Variants in KNTC1 observed in about 807,000 individuals in gnomAD.
KNTC1 encodes the protein kinetochore-associated protein 1.
In KNTC1, 253 loss-of-function variants were observed where a neutral mutation model predicts 314.4. The observed-to-expected ratio is 0.80, with a 90% CI of 0.73 to 0.89. The LOEUF (loss-of-function observed/expected upper bound fraction) is 0.89, where lower values mean the gene tolerates loss of function less well. KNTC1 is among the 40% of genes least tolerant of loss of function. KNTC1 has a pLI of 0.00. For synonymous variants in KNTC1, 901 were observed against 901.4 expected (o/e 1.00, Z 0.01); for missense variants, 2,475 against 2,572.9 (o/e 0.96, Z 0.82).
intron 59 of KNTC1, among the ~76,000 whole-genome samples, chr12:122,619,219 G>C (rs1231254362): frequency 1.4e-5 from 2 of 142,888 alleles, no homozygotes; most frequent in Admixed American, 7.1e-5. Context: ...CACCATGCCA[G>C]GCTAATTTTT....
intron 6 of KNTC1, among the ~76,000 whole-genome samples, chr12:122,542,770 A>G (rs568888045): frequency 6.6e-6 from 1 of 152,304 alleles, no homozygotes; most frequent in South Asian, 2.1e-4. Flanking sequence ...GTCTCAAAAA[A>G]AAAAATATAT....
At chr12:122,533,040 T>A (rs1036758654) in intron 2 of KNTC1, among the ~76,000 whole-genome samples, 7 of 151,922 alleles carry the variant, frequency 4.6e-5, no homozygotes, top group South Asian at 2.1e-4. Context: ...GGAGACAACA[T>A]CTCTAAAAAA....
chr12:122,623,649 T>C (rs1020179950), intron 62 of KNTC1, among the ~76,000 whole-genome samples: 6 of 152,328 alleles, frequency 3.9e-5, no homozygotes, highest in Admixed American at 2.0e-4. Flanking sequence ...CATAATTCTC[T>C]GAAAGTTTCC....
At chr12:122,541,625 G>A (rs1192883489) in intron 5 of KNTC1, among the ~76,000 whole-genome samples, 1 of 149,880 alleles carries the variant, frequency 6.7e-6, no homozygotes, top group Non-Finnish European at 1.5e-5. Flanking sequence ...CATTACAGGC[G>A]TGAGCCACTG....
intron 21 of KNTC1, among the ~76,000 whole-genome samples, chr12:122,568,603 G>A (rs942356626): frequency 1.3e-5 from 2 of 152,196 alleles, no homozygotes; most frequent in African/African-American, 4.8e-5. Context: ...TTGGGAGGCC[G>A]AGGCGGGCTG....
At position 122,585,594 on chromosome 12, in the gene KNTC1, A is replaced by T. The variant is rs765220621; in HGVS notation, c.3535-42A>T. 3 of 1,605,938 alleles carry T rather than the reference A, an allele frequency of 1.9e-6. No individual in the cohort carries two copies. The African/African-American group carries it at 4.0e-5, about 22-fold the overall frequency. ...GACCAGAAGAAACAATGTGTTGTGC[A>T]GCGTACTGAGTTCTCTCTTTTTTGT... On this transcript the variant is annotated intron_variant, in intron 36 of 63. Transcript: ENST00000333479.
chr12:122,566,127 G>C (rs1385873805), intron 20 of KNTC1, among the ~76,000 whole-genome samples: 3 of 151,848 alleles, frequency 2.0e-5, no homozygotes, highest in African/African-American at 7.3e-5. Context: ...ACTTTTAGTA[G>C]AGATGGGGTT....
intron 20 of KNTC1, 30 bp downstream of exon 20, chr12:122,562,729 G>T: frequency 1.4e-6 from 2 of 1,392,638 alleles, no homozygotes; most frequent in South Asian, 1.2e-5. Flanking sequence ...AACTTTTTAG[G>T]CCAGGCATGG....
chr12:122,595,993 C>T (rs1414278977), intron 43 of KNTC1, among the ~76,000 whole-genome samples: 1 of 151,228 alleles, frequency 6.6e-6, no homozygotes, highest in African/African-American at 2.4e-5. Context: ...TTTAGTTATG[C>T]TGTATAGCAA....
chr12:122,545,994 C>T (rs1593505001), intron 8 of KNTC1, among the ~76,000 whole-genome samples, 182 bp from the exon 9 acceptor site: 1 of 150,186 alleles, frequency 6.7e-6, no homozygotes, highest in Middle Eastern at 3.2e-3. Flanking sequence ...TCCAATAGTA[C>T]ACTGTTTTTT....
At chr12:122,590,477 T>C (rs1870028277) in intron 40 of KNTC1, 130 bp from the exon 41 acceptor site, 6 of 865,072 alleles carry the variant, frequency 6.9e-6, no homozygotes, top group Non-Finnish European at 8.5e-6. Flanking sequence ...TGTTTTTTTT[T>C]CTTTAAAAAG....
intron 18 of KNTC1, among the ~76,000 whole-genome samples, chr12:122,558,745 G>A (rs1470950878): frequency 1.3e-5 from 2 of 151,334 alleles, no homozygotes; most frequent in East Asian, 3.9e-4. Context: ...GTGTGGTGGT[G>A]CACTCCTGTA....
At chr12:122,611,011 C>A in intron 53 of KNTC1, 111 bp downstream of exon 53, 1 of 750,962 alleles carries the variant, frequency 1.3e-6, no homozygotes, top group Non-Finnish European at 2.3e-6. Context: ...ATAATGCTCA[C>A]GTACATATGT....
intron 3 of KNTC1, among the ~76,000 whole-genome samples, chr12:122,537,414 A>G (rs1961927316): frequency 1.3e-5 from 2 of 150,578 alleles, no homozygotes; most frequent in Admixed American, 1.3e-4. Flanking sequence ...CTAATTGTTT[A>G]TCAGCTATTT....
chr12:122,554,076 A>AAATATATATATATATATAT (rs370146333), intron 16 of KNTC1, among the ~76,000 whole-genome samples: 29 of 109,036 alleles, frequency 2.7e-4, no homozygotes, highest in African/African-American at 9.7e-4. Context: ...AAAAAAAAAA[A>AAATATATATATATATATAT]ATATATATAT....
intron 29 of KNTC1, 99 bp from the exon 30 acceptor site, chr12:122,576,796 A>G (rs560877294): frequency 2.1e-5 from 17 of 811,740 alleles, no homozygotes; most frequent in Middle Eastern, 7.8e-4. Context: ...TTTTTGCTGC[A>G]TTATTTAAAT....
At chr12:122,625,662 C>T (rs1874958002) in intron 63 of KNTC1, among the ~76,000 whole-genome samples, 1 of 151,772 alleles carries the variant, frequency 6.6e-6, no homozygotes, top group Non-Finnish European at 1.5e-5. Flanking sequence ...AACTGATCTT[C>T]AAAATCTCAC....
At chr12:122,554,076 AATAT>A (rs60404988) in intron 16 of KNTC1, among the ~76,000 whole-genome samples, 37 of 109,050 alleles carry the variant, frequency 3.4e-4, no homozygotes, top group African/African-American at 1.2e-3. Context: ...AAAAAAAAAA[AATAT>A]ATATATATAT....
chr12:122,585,977 T>C (rs1174278873), intron 37 of KNTC1, among the ~76,000 whole-genome samples: 1 of 152,200 alleles, frequency 6.6e-6, no homozygotes, highest in East Asian at 1.9e-4. Flanking sequence ...ACTAAGCTGG[T>C]GCTGTTTGAA....
Sources: gnomAD v4.1 joint callset for allele counts (sites outside exome capture counted in the v4.1 genomes callset) on GRCh38, gnomAD v4.1.1 for gene constraint, MANE v1.5 for transcripts, NCBI Gene and HGNC (gene_info 2026-07-23, HGNC 2026-07-21) for gene names.